RNF24: variants seen among roughly 807,000 people sequenced by gnomAD.
The protein encoded by RNF24 is ring finger protein 24.
RNF24 carries 14 observed loss-of-function variants against 20.0 expected under a neutral mutation model. The observed-to-expected ratio is 0.70, with a 90% CI of 0.46 to 1.10. RNF24 has a LOEUF of 1.10. Among genes scored for constraint, RNF24 ranks in the 50% least tolerant of loss-of-function variants. The pLI, the probability that RNF24 is intolerant of heterozygous loss-of-function variation, is 0.00. For missense variants in RNF24, 124 were observed against 177.6 expected, an observed-to-expected ratio of 0.70 and a Z score of 1.71; for synonymous variants, 45 against 61.1, an observed-to-expected ratio of 0.74 and a Z score of 1.23.
intron 2 of RNF24, among the ~76,000 whole-genome samples, chr20:3,954,265 T>C (rs1168014871): frequency 2.0e-5 from 3 of 152,184 alleles, no homozygotes; most frequent in Non-Finnish European, 2.9e-5. Flanking sequence ...TTCTATCCCC[T>C]GCAACCTCTT....
chr20:4,013,020 C>G (rs1266645993), intron 1 of RNF24, among the ~76,000 whole-genome samples: 2 of 148,278 alleles, frequency 1.3e-5, no homozygotes, highest in African/African-American at 2.5e-5. Context: ...TTTTTTTTTT[C>G]TGCTTCATTT....
chr20:3,935,758 C>T (rs928650944), intron 4 of RNF24, among the ~76,000 whole-genome samples: 2 of 152,236 alleles, frequency 1.3e-5, no homozygotes, highest in Non-Finnish European at 2.9e-5. Context: ...GGGCATTCAC[C>T]AGGGCCCGTG....
intron 2 of RNF24, among the ~76,000 whole-genome samples, chr20:3,957,654 T>C (rs1366436751): frequency 1.3e-5 from 2 of 152,068 alleles, no homozygotes; most frequent in African/African-American, 4.8e-5. Flanking sequence ...TTTTCTTCCA[T>C]CTGTGGCTCA....
intron 1 of RNF24, among the ~76,000 whole-genome samples, chr20:4,012,668 A>AT (rs1484113573): frequency 2.6e-5 from 4 of 152,142 alleles, no homozygotes; most frequent in Admixed American, 1.3e-4. Context: ...GTTAGTTTAG[A>AT]TTTTTTCTTC....
At chr20:4,001,328 T>G (rs1487936479) in intron 1 of RNF24, among the ~76,000 whole-genome samples, 1 of 152,060 alleles carries the variant, frequency 6.6e-6, no homozygotes, top group Non-Finnish European at 1.5e-5. Flanking sequence ...TTACAGGAAC[T>G]TTTAAGTCAG....
chr20:3,961,476 G>A (rs2091201453), intron 2 of RNF24, among the ~76,000 whole-genome samples: 1 of 151,272 alleles, frequency 6.6e-6, no homozygotes, highest in South Asian at 2.1e-4. Flanking sequence ...TTATTTGCTT[G>A]ATTATTAAAA....
chr20:3,934,335 G>A lies in RNF24; in HGVS notation c.309-134C>T. Reference sequence around the variant, plus strand: ...CCAAGGAGCTCCCCTCCTAGGTGGTGAACGGATGTCACCCCCTGGAGAGAG... The same window carrying A: ...CCAAGGAGCTCCCCTCCTAGGTGGTAAACGGATGTCACCCCCTGGAGAGAG... On this transcript the variant is annotated intron_variant, in intron 5 of 5. Transcript: ENST00000358395. This position sits in a 1 kb window ranked among gnomAD's most constrained non-coding sequence, Gnocchi z 4.0. The A allele has an allele frequency of 1.2e-6, 1 of 818,892 alleles. No individual in the cohort carries two copies. Among genetic ancestry groups the A allele is most frequent in the Non-Finnish European group, 1.8e-6 (1 of 556,128 alleles). 50.7% of individuals were successfully genotyped at this position (818,892 alleles called of 1,614,324 possible).
intron 1 of RNF24, among the ~76,000 whole-genome samples, chr20:3,969,426 C>A (rs1005270600): frequency 4.0e-5 from 6 of 151,404 alleles, no homozygotes; most frequent in Admixed American, 4.0e-4. Flanking sequence ...TTAACGAGTT[C>A]TCTGGGCTTT....
rs755196942 is a variant in RNF24, at chr20:3,981,631, G to A, written c.-7-17607C>T. ...ATCAATACTCCTGCCTCAGCCTCCC[G>A]AGTAGCTGGGACTACAGGCATGCAC... On this transcript the variant is annotated intron_variant, in intron 1 of 5. Coordinates refer to ENST00000358395, the MANE Select transcript of RNF24 (RefSeq NM_001134337.3). 5.3e-5 allele frequency among the ~76,000 whole-genome samples: 8 copies of A among 151,534 alleles called. No homozygotes were observed. In the East Asian group the frequency reaches 5.9e-4, roughly 11 times the overall value.
rs1436805595 is a variant in RNF24, at chr20:3,927,683, TC to T, written c.*6379del. 1 of 152,202 alleles carries T rather than the reference TC, an allele frequency of 6.6e-6. No individual in the cohort carries two copies. Among genetic ancestry groups the T allele is most frequent in the Non-Finnish European group, 1.5e-5 (1 of 68,046 alleles). The allele number at this position is 152,202 out of a possible 1,614,324, so 9.4% of individuals were successfully genotyped here. ...AGACCAGCTGTCACCAGAAGGGAGT[TC>T]CTAACACTTGCCACACCTGCTCCCC... On this transcript the variant is annotated 3_prime_UTR_variant, in exon 6 of 6. Coordinates refer to ENST00000358395, the MANE Select transcript of RNF24 (RefSeq NM_001134337.3).
intron 4 of RNF24, among the ~76,000 whole-genome samples, chr20:3,940,985 G>A (rs1290222165): frequency 1.3e-5 from 2 of 152,134 alleles, no homozygotes; most frequent in Non-Finnish European, 2.9e-5. Context: ...CAACAGAAAT[G>A]GTAAAAACCT....
chr20:3,986,903 C>T (rs1329260970), intron 1 of RNF24, among the ~76,000 whole-genome samples: 1 of 151,954 alleles, frequency 6.6e-6, no homozygotes, highest in Non-Finnish European at 1.5e-5. Flanking sequence ...CCCACCTTGG[C>T]CTTTTTTTTC....
chr20:3,968,132 C>T (rs976667501), intron 1 of RNF24, among the ~76,000 whole-genome samples: 7 of 151,914 alleles, frequency 4.6e-5, no homozygotes, highest in Middle Eastern at 3.4e-3. Flanking sequence ...GGTGAAACCC[C>T]GTCTCTACTA....
intron 1 of RNF24, among the ~76,000 whole-genome samples, chr20:4,004,651 T>C (rs1981699677): frequency 6.6e-6 from 1 of 152,182 alleles, no homozygotes; most frequent in Non-Finnish European, 1.5e-5. Flanking sequence ...GAGACTAGAA[T>C]GTGTGGAATC....
intron 1 of RNF24, among the ~76,000 whole-genome samples, chr20:3,997,260 T>C (rs1980958536): frequency 6.6e-6 from 1 of 150,954 alleles, no homozygotes; most frequent in African/African-American, 2.4e-5. Context: ...AAGAAATACA[T>C]TTTAATCTTA....
intron 1 of RNF24, among the ~76,000 whole-genome samples, chr20:3,996,435 C>A (rs151022021): frequency 6.6e-6 from 1 of 152,090 alleles, no homozygotes; most frequent in Non-Finnish European, 1.5e-5. Context: ...GAATCAGTAT[C>A]GGCTACGAGA....
At chr20:4,010,915 C>T (rs1482245317) in intron 1 of RNF24, among the ~76,000 whole-genome samples, 2 of 152,136 alleles carry the variant, frequency 1.3e-5, no homozygotes, top group Non-Finnish European at 2.9e-5. Flanking sequence ...CCTGTCTGCA[C>T]AGGTTCAAGA....
intron 1 of RNF24, among the ~76,000 whole-genome samples, chr20:3,996,792 AT>A (rs1170198416): frequency 6.6e-6 from 1 of 152,084 alleles, no homozygotes; most frequent in African/African-American, 2.4e-5. Context: ...AGGTGCTACC[AT>A]TTTCCTCAAT....
chr20:3,936,183 T>C (rs1213523282), intron 4 of RNF24, among the ~76,000 whole-genome samples: 2 of 152,206 alleles, frequency 1.3e-5, no homozygotes, highest in African/African-American at 4.8e-5. Flanking sequence ...CTTGTGTGTA[T>C]GACAGACAGG....
Sources: gnomAD v4.1 joint callset for allele counts (sites outside exome capture counted in the v4.1 genomes callset) on GRCh38, gnomAD v4.1.1 for gene constraint, Gnocchi (gnomAD v3.1) non-coding constraint, MANE v1.5 for transcripts, NCBI Gene and HGNC (gene_info 2026-07-23, HGNC 2026-07-21) for gene names.